APOO: variants seen among roughly 807,000 people sequenced by gnomAD.
APOO encodes apolipoprotein O.
A neutral mutation model predicts 23.1 loss-of-function variants in APOO; 11 were observed. The observed-to-expected ratio is 0.48, with a 90% CI of 0.30 to 0.79. The LOEUF (loss-of-function observed/expected upper bound fraction) is 0.79. APOO is among the 30% of genes least tolerant of loss of function. The pLI, the probability that APOO is intolerant of heterozygous loss-of-function variation, is 0.07. For synonymous variants in APOO, 59 were observed against 54.8 expected (o/e 1.08, Z -0.34); for missense variants, 160 against 142.7 (o/e 1.12, Z -0.62).
chrX:23,868,551 T>C, intron 5 of APOO, 42 bp downstream of exon 5: 1 of 1,059,688 alleles, frequency 9.4e-7, no homozygotes, highest in Non-Finnish European at 1.3e-6. Context: ...ATTCTATCTC[T>C]GCTTTATGAG....
chrX:23,873,847 A>G (rs1925726299), intron 4 of APOO, among the ~76,000 whole-genome samples: 1 of 111,917 alleles, frequency 8.9e-6, no homozygotes, highest in African/African-American at 3.2e-5. Flanking sequence ...TTAATTTACC[A>G]GTTTCTGATT....
intron 1 of APOO, among the ~76,000 whole-genome samples, chrX:23,902,243 GT>G: frequency 8.9e-6 from 1 of 111,866 alleles, no homozygotes; most frequent in Non-Finnish European, 1.9e-5. Context: ...GTCTGTGCTG[GT>G]AAGTGCATTG....
At chrX:23,840,996 A>G (rs903672036) in intron 7 of APOO, among the ~76,000 whole-genome samples, 3 of 112,048 alleles carry the variant, frequency 2.7e-5, no homozygotes, top group East Asian at 5.6e-4. Flanking sequence ...TTCACGTGCT[A>G]AACTTTTAAG....
chrX:23,835,073 T>C lies in APOO; in HGVS notation c.*30-1461A>G, dbSNP rs750919920. Among the ~76,000 whole-genome samples the C allele has an allele frequency of 1.4e-4, 15 of 106,453 alleles. No homozygotes were observed. In the Admixed American group the frequency reaches 1.5e-3, roughly 11 times the overall value. 92.4% of individuals were successfully genotyped at this position (106,453 alleles called of 115,157 possible). On this transcript the variant is annotated intron_variant, in intron 8 of 8. Coordinates refer to ENST00000379226, the MANE Select transcript of APOO (RefSeq NM_024122.5). ...ACTCAGCAATTAGAGATTTTTTTTTTTTTTTGAGACGGAGTTTCACTCTTG... is the reference window on the plus strand; with the variant it reads ...ACTCAGCAATTAGAGATTTTTTTTTCTTTTTGAGACGGAGTTTCACTCTTG...
At chrX:23,866,866 G>A (rs999512704) in intron 5 of APOO, among the ~76,000 whole-genome samples, 2 of 109,403 alleles carry the variant, frequency 1.8e-5, no homozygotes, top group African/African-American at 6.7e-5. Flanking sequence ...TTGGGACACC[G>A]AGGCAGGCCG....
chrX:23,877,165 A>C (rs1447405171), intron 3 of APOO, among the ~76,000 whole-genome samples: 2 of 112,114 alleles, frequency 1.8e-5, no homozygotes, highest in Non-Finnish European at 3.8e-5. Context: ...AAACAGACAG[A>C]CTACAAGTAA....
At position 23,885,162 on chromosome X, in the gene APOO, G is replaced by C. The variant is rs947681043; in HGVS notation, c.10-4210C>G. On this transcript the variant is annotated intron_variant, in intron 1 of 8. Coordinates refer to ENST00000379226, the MANE Select transcript of APOO (RefSeq NM_024122.5). ...GTCTGTAATCCCAGCACTTTGGGAG[G>C]CCGAGGTGGGTGGATCACCTGAGGT... 3.7e-5 allele frequency among the ~76,000 whole-genome samples: 4 copies of C among 108,898 alleles called. No individual in the cohort carries two copies. In the East Asian group the frequency reaches 1.2e-3, roughly 32 times the overall value. The allele number at this position is 108,898 out of a possible 115,157, so 94.6% of individuals were successfully genotyped here.
chrX:23,901,873 T>A (rs1569246892), intron 1 of APOO, among the ~76,000 whole-genome samples: 1 of 112,511 alleles, frequency 8.9e-6, no homozygotes, highest in South Asian at 3.6e-4. Context: ...AGGAACACAG[T>A]GAAGCCCAAG....
At position 23,867,139 on chromosome X, in the gene APOO, G is replaced by T. The variant is rs777471063; in HGVS notation, c.388+1454C>A. Among the ~76,000 whole-genome samples, 132 of 108,298 alleles carry T rather than the reference G, an allele frequency of 1.2e-3. 1 individual carries two copies. The highest frequency in any genetic ancestry group is 3.8e-3 in the African/African-American group (107 of 28,411). 94.0% of individuals were successfully genotyped at this position (108,298 alleles called of 115,157 possible). ...GAAACGAAACGAAACGAAACGAAAC[G>T]AAACGAAACTAAACTAAACTAAAGT... On this transcript the variant is annotated intron_variant, in intron 5 of 8. Transcript: ENST00000379226.
chrX:23,839,164 A>G (rs890675989), intron 8 of APOO, among the ~76,000 whole-genome samples: 1 of 111,984 alleles, frequency 8.9e-6, no homozygotes, highest in African/African-American at 3.2e-5. Flanking sequence ...AATAGTTTGT[A>G]TCTGAGAACA....
chrX:23,907,561 C>T, intron 1 of APOO, 133 bp downstream of exon 1: 1 of 681,582 alleles, frequency 1.5e-6, no homozygotes. Context: ...GGCCGGGACG[C>T]AGCCGGCCCA....
Position 23,879,027 on chromosome X carries a change from A to G in APOO, c.125T>C (p.Leu42Pro), listed in dbSNP as rs150456705. Residue 42 changes from leucine to proline, a missense_variant, in exon 3 of 9, where the codon CTC becomes CCC. By Grantham distance (98) the Leu-to-Pro change is moderately conservative. Coordinates refer to ENST00000379226, the MANE Select transcript of APOO (RefSeq NM_024122.5). The part of the protein sequence containing the change: ...KNSVKVDELS[L>P]YSVPEGQSKY... The stretch of plus-strand genomic sequence containing the variant: ...CGATTGACCCTCAGGAACTGAGTAG[A>G]GTGAAAGCTGCGCACATTAAAACAA... The G allele has an allele frequency of 1.4e-5, 17 of 1,208,597 alleles. No individual in the cohort carries two copies. Among genetic ancestry groups the G allele is most frequent in the East Asian group, 1.2e-4 (4 of 33,783 alleles).
chrX:23,899,319 A>G (rs746827708), intron 1 of APOO, among the ~76,000 whole-genome samples: 1 of 112,678 alleles, frequency 8.9e-6, no homozygotes, highest in East Asian at 2.8e-4. Context: ...GGCTTTCAGC[A>G]TACTGAAAAC....
chrX:23,875,245 AAAG>A, intron 3 of APOO, among the ~76,000 whole-genome samples: 1 of 107,651 alleles, frequency 9.3e-6, no homozygotes, highest in East Asian at 3.0e-4. Context: ...CAAAAAAAAA[AAAG>A]GCTTTGTACA....
At chrX:23,855,024 TTTTTTTTC>T (rs1488773938) in intron 7 of APOO, among the ~76,000 whole-genome samples, 50 of 107,084 alleles carry the variant, frequency 4.7e-4, no homozygotes, top group Non-Finnish European at 7.5e-4. Flanking sequence ...ATTAGTGGGG[TTTTTTTTC>T]TTTTTTTCTT....
At chrX:23,876,706 G>A (rs1375719470) in intron 3 of APOO, among the ~76,000 whole-genome samples, 1 of 111,512 alleles carries the variant, frequency 9.0e-6, no homozygotes, top group Non-Finnish European at 1.9e-5. Context: ...AGCTGAGGCA[G>A]GAGAATCACC....
intron 5 of APOO, among the ~76,000 whole-genome samples, chrX:23,863,391 A>G (rs985454327): frequency 1.4e-4 from 16 of 111,953 alleles, no homozygotes; most frequent in African/African-American, 4.5e-4. Flanking sequence ...TCAGAACACT[A>G]AAGATTCACA....
intron 4 of APOO, among the ~76,000 whole-genome samples, chrX:23,869,857 C>G (rs779215108): frequency 1.1e-4 from 12 of 106,122 alleles, no homozygotes; most frequent in Admixed American, 1.0e-3. Context: ...GAGGCTGAGG[C>G]AGGAGAATCA....
chrX:23,878,318 T>C (rs1033548595), intron 3 of APOO, among the ~76,000 whole-genome samples: 3 of 112,167 alleles, frequency 2.7e-5, no homozygotes, highest in African/African-American at 9.7e-5. Flanking sequence ...CTCTGCTCTC[T>C]AGTTAAGGCG....
Sources: allele counts gnomAD v4.1 joint callset (sites outside exome capture counted in the v4.1 genomes callset), GRCh38; gene constraint gnomAD v4.1.1; transcripts MANE v1.5; gene names NCBI Gene and HGNC (gene_info 2026-07-23, HGNC 2026-07-21).